PPP1R14C: variants seen among roughly 807,000 people sequenced by gnomAD.
PPP1R14C encodes the protein protein phosphatase 1 regulatory inhibitor subunit 14C, also known as protein phosphatase 1 regulatory subunit 14C.
PPP1R14C carries 16 observed loss-of-function variants against 20.4 expected under a neutral mutation model. The observed-to-expected ratio is 0.78, with a 90% CI of 0.53 to 1.19. PPP1R14C has a LOEUF of 1.19. Among genes scored for constraint, PPP1R14C ranks in the 50% most tolerant of loss-of-function variants. PPP1R14C has a pLI of 0.00. For synonymous variants in PPP1R14C, 91 were observed against 91.0 expected (o/e 1.00, Z 0.00); for missense variants, 211 against 220.1 (o/e 0.96, Z 0.26).
At chr6:150,162,604 C>A (rs56255643) in intron 1 of PPP1R14C, among the ~76,000 whole-genome samples, 36,380 of 152,028 alleles carry the variant, frequency 0.24, 4,621 homozygotes, top group South Asian at 0.37. Context: ...TGAAGGACAT[C>A]TTGGTTGCTT....
chr6:150,151,690 G>A (rs144366750), intron 1 of PPP1R14C, among the ~76,000 whole-genome samples: 5 of 152,320 alleles, frequency 3.3e-5, no homozygotes, highest in Middle Eastern at 3.4e-3. Flanking sequence ...AGGAGATGGT[G>A]TTATCTTCAT....
intron 1 of PPP1R14C, among the ~76,000 whole-genome samples, chr6:150,167,994 C>CTCCTCCCCTT (rs1777448583): frequency 8.5e-5 from 1 of 11,832 alleles, no homozygotes; most frequent in Non-Finnish European, 1.4e-4. Flanking sequence ...TCCCCTCTTC[C>CTCCTCCCCTT]TCTCCCCCTT....
In PPP1R14C at chr6:150,182,318, C is replaced by T. The variant is rs186497023; in HGVS notation, c.307-32426C>T. ...AGGCTGCTATAACAAAATACCATAG[C>T]CTGGGTAGCTTGAACAATATAGATG... On this transcript the variant is annotated intron_variant, in intron 1 of 3. Coordinates refer to ENST00000361131, the MANE Select transcript of PPP1R14C (RefSeq NM_030949.3). Among the ~76,000 whole-genome samples the T allele has an allele frequency of 1.3e-3, 195 of 152,268 alleles. 3 individuals carry two copies. The highest frequency in any genetic ancestry group is 4.5e-3 in the African/African-American group (185 of 41,544).
Position 150,248,711 on chromosome 6 carries a change from T to G in PPP1R14C, c.424-35T>G, listed in dbSNP as rs748743010. The G allele has an allele frequency of 2.2e-6, 3 of 1,364,632 alleles. No individual in the cohort carries two copies. The East Asian group carries it at 6.9e-5, about 31-fold the overall frequency. The allele number at this position is 1,364,632 out of a possible 1,614,324, so 84.5% of individuals were successfully genotyped here. A position where few individuals can be genotyped will look rare whatever the true frequency, so the allele number is the denominator to read the frequency against. Reference sequence around the variant, plus strand: ...ATTTTTAAACACAGAATTTTAATAGTGACCCTCATATTAACTTCTTCTGAT... The same window carrying G: ...ATTTTTAAACACAGAATTTTAATAGGGACCCTCATATTAACTTCTTCTGAT... On this transcript the variant is annotated intron_variant, in intron 3 of 3. Coordinates refer to ENST00000361131, the MANE Select transcript of PPP1R14C (RefSeq NM_030949.3).
At position 150,247,466 on chromosome 6, in the gene PPP1R14C, G is replaced by T. The variant is rs186465261; in HGVS notation, c.424-1280G>T. Among the ~76,000 whole-genome samples, 3 of 152,276 alleles carry T rather than the reference G, an allele frequency of 2.0e-5. No individual in the cohort carries two copies. In the East Asian group the frequency reaches 5.8e-4, roughly 29 times the overall value. On this transcript the variant is annotated intron_variant, in intron 3 of 3. Coordinates refer to ENST00000361131, the MANE Select transcript of PPP1R14C (RefSeq NM_030949.3). ...ATTGTGTAAAGTGGGAACCATTCTG[G>T]ATCATTTTTCAGTCTTTAGGTTCTG...
intron 3 of PPP1R14C, among the ~76,000 whole-genome samples, chr6:150,220,676 TGA>T (rs1283225317): frequency 2.0e-5 from 3 of 152,248 alleles, no homozygotes; most frequent in Admixed American, 6.5e-5. Context: ...GTTATTTGGG[TGA>T]GAGAGTTTGG....
intron 1 of PPP1R14C, among the ~76,000 whole-genome samples, chr6:150,161,830 G>A (rs1337171824): frequency 6.6e-6 from 1 of 152,084 alleles, no homozygotes; most frequent in African/African-American, 2.4e-5. Context: ...AGATTGTTTT[G>A]TCACATTCTG....
At chr6:150,175,444 A>C (rs1356251070) in intron 1 of PPP1R14C, among the ~76,000 whole-genome samples, 1 of 152,146 alleles carries the variant, frequency 6.6e-6, no homozygotes, top group Non-Finnish European at 1.5e-5. Context: ...TGATATGTTG[A>C]ATATGTTTTT....
At chr6:150,178,124 G>T (rs556865644) in intron 1 of PPP1R14C, among the ~76,000 whole-genome samples, 1 of 152,322 alleles carries the variant, frequency 6.6e-6, no homozygotes, top group African/African-American at 2.4e-5. Flanking sequence ...GAGGCCTTTT[G>T]TGCAGAGCCT....
At chr6:150,206,267 T>C (rs9479944) in intron 1 of PPP1R14C, among the ~76,000 whole-genome samples, 28,991 of 152,198 alleles carry the variant, frequency 0.19, 3,070 homozygotes, top group African/African-American at 0.28. Context: ...TATTTATCAA[T>C]CTTTGCCACT....
intron 3 of PPP1R14C, among the ~76,000 whole-genome samples, chr6:150,222,765 CTTTTTTTT>C (rs4038164): frequency 1.1e-4 from 8 of 71,278 alleles, no homozygotes; most frequent in African/African-American, 4.1e-4. Context: ...TTCAAACTGG[CTTTTTTTT>C]TTTTTTTTTT....
At chr6:150,169,991 G>A (rs546229768) in intron 1 of PPP1R14C, among the ~76,000 whole-genome samples, 1 of 152,312 alleles carries the variant, frequency 6.6e-6, no homozygotes, top group East Asian at 1.9e-4. Flanking sequence ...CTTGCTGTAT[G>A]GGGACTGGGC....
intron 1 of PPP1R14C, among the ~76,000 whole-genome samples, chr6:150,148,939 TGGTGGTC>T (rs1562538252): frequency 2.0e-5 from 3 of 151,998 alleles, no homozygotes; most frequent in Non-Finnish European, 4.4e-5. Context: ...TGGCATGCGC[TGGTGGTC>T]CCTGCTTCTC....
At chr6:150,228,881 C>T (rs757878201) in intron 3 of PPP1R14C, among the ~76,000 whole-genome samples, 4 of 151,972 alleles carry the variant, frequency 2.6e-5, no homozygotes, top group Non-Finnish European at 5.9e-5. Context: ...GCCACGTGGG[C>T]CTTGCTTTTG....
Position 150,192,808 on chromosome 6 carries a change from G to A in PPP1R14C, c.307-21936G>A, listed in dbSNP as rs112783853. Among the ~76,000 whole-genome samples, 1,353 of 152,242 alleles carry A rather than the reference G, an allele frequency of 8.9e-3. 7 individuals carry two copies. Among genetic ancestry groups the A allele is most frequent in the Non-Finnish European group, 0.013 (898 of 68,016 alleles). On this transcript the variant is annotated intron_variant, in intron 1 of 3. Coordinates refer to ENST00000361131, the MANE Select transcript of PPP1R14C (RefSeq NM_030949.3). Reference sequence around the variant, plus strand: ...AGACTGGACTGGGCTGGTTTTCCACGATGGTTCCTTCACCTACAGGTCTGG... The same window carrying A: ...AGACTGGACTGGGCTGGTTTTCCACAATGGTTCCTTCACCTACAGGTCTGG...
At position 150,195,076 on chromosome 6, in the gene PPP1R14C, C is replaced by T. The variant is rs1777786355; in HGVS notation, c.307-19668C>T. On this transcript the variant is annotated intron_variant, in intron 1 of 3. Transcript: ENST00000361131. ...ATAACCTGTATGACCATCTTCAAAT[C>T]TGTCTCAATTTCAAGAGGAGGTTAC... is the stretch of plus-strand genomic sequence containing the variant. 2 of 984,250 alleles carry T rather than the reference C, an allele frequency of 2.0e-6. 1 individual carries two copies. Among genetic ancestry groups the T allele is most frequent in the South Asian group, 9.4e-5 (2 of 21,258 alleles). The allele number at this position is 984,250 out of a possible 1,614,324, so 61.0% of individuals were successfully genotyped here. A position where few individuals can be genotyped will look rare whatever the true frequency, so the allele number is the denominator to read the frequency against.
Position 150,249,101 on chromosome 6 carries a change from G to A in PPP1R14C, c.*281G>A, listed in dbSNP as rs2114937901. On this transcript the variant is annotated 3_prime_UTR_variant, in exon 4 of 4. Coordinates refer to ENST00000361131, the MANE Select transcript of PPP1R14C (RefSeq NM_030949.3). Reference sequence around the variant, plus strand: ...TTATCAAAGGAGGTGGACACTCAAGGAAGGGCCACGCCAGGCTGCGTTTCC... The same window carrying A: ...TTATCAAAGGAGGTGGACACTCAAGAAAGGGCCACGCCAGGCTGCGTTTCC... 1 of 416,294 alleles carries A rather than the reference G, an allele frequency of 2.4e-6. No homozygotes were observed. The highest frequency in any genetic ancestry group is 4.2e-6 in the Non-Finnish European group (1 of 236,790). The allele number at this position is 416,294 out of a possible 1,614,324, so 25.8% of individuals were successfully genotyped here. A position where few individuals can be genotyped will look rare whatever the true frequency, so the allele number is the denominator to read the frequency against.
At chr6:150,237,610 C>T (rs1224760919) in intron 3 of PPP1R14C, among the ~76,000 whole-genome samples, 2 of 152,336 alleles carry the variant, frequency 1.3e-5, no homozygotes, top group African/African-American at 4.8e-5. Flanking sequence ...ACAGCACTTA[C>T]TACTCTTTAA....
chr6:150,147,160 G>A (rs532139142), intron 1 of PPP1R14C, among the ~76,000 whole-genome samples: 1 of 147,058 alleles, frequency 6.8e-6, no homozygotes, highest in African/African-American at 2.5e-5. Context: ...TCCAAACCCT[G>A]GTGGGTTTTT....
Sources: gnomAD v4.1 joint callset for allele counts (sites outside exome capture counted in the v4.1 genomes callset) on GRCh38, gnomAD v4.1.1 for gene constraint, MANE v1.5 for transcripts, NCBI Gene and HGNC (gene_info 2026-07-23, HGNC 2026-07-21) for gene names.